Variants in DIP2C observed in about 807,000 individuals in gnomAD.
The protein encoded by DIP2C is disco-interacting protein 2 homolog C.
A neutral mutation model predicts 192.4 loss-of-function variants in DIP2C; 33 were observed. That is an observed-to-expected ratio of 0.17 (90% confidence interval 0.13 to 0.23). The LOEUF is 0.23. Among genes scored for constraint, DIP2C ranks in the 10% least tolerant of loss-of-function variants. The pLI is 1.00. For missense variants in DIP2C, 1,537 were observed against 2,110.1 expected, an observed-to-expected ratio of 0.73 and a Z score of 5.32; for synonymous variants, 979 against 864.1, an observed-to-expected ratio of 1.13 and a Z score of -2.33.
intron 1 of DIP2C, among the ~76,000 whole-genome samples, chr10:562,336 T>G (rs556658941): frequency 6.6e-6 from 1 of 152,232 alleles, no homozygotes; most frequent in Non-Finnish European, 1.5e-5. Context: ...GCAACAAATG[T>G]GTTTGACAAA....
intron 10 of DIP2C, among the ~76,000 whole-genome samples, chr10:397,776 T>C (rs921153111): frequency 2.0e-5 from 3 of 152,240 alleles, no homozygotes; most frequent in Non-Finnish European, 2.9e-5. Context: ...TACATTGGTA[T>C]GAGCGTAAGC....
chr10:567,211 C>T (rs1369524201), intron 1 of DIP2C, among the ~76,000 whole-genome samples: 2 of 151,990 alleles, frequency 1.3e-5, no homozygotes, highest in Non-Finnish European at 2.9e-5. Flanking sequence ...TTTTTTAAGA[C>T]ACAATATCAC....
intron 2 of DIP2C, among the ~76,000 whole-genome samples, chr10:475,629 G>A (rs1385391293): frequency 6.6e-6 from 1 of 152,246 alleles, no homozygotes; most frequent in East Asian, 1.9e-4. Flanking sequence ...GAAATGTAAA[G>A]TTTGCAACAA....
At chr10:421,002 G>A (rs1006911777) in intron 5 of DIP2C, among the ~76,000 whole-genome samples, 5 of 152,198 alleles carry the variant, frequency 3.3e-5, no homozygotes, top group Non-Finnish European at 5.9e-5. Context: ...ATCTCACAAG[G>A]TCAAGTGCAA....
At chr10:419,003 G>T (rs111236469) in intron 6 of DIP2C, 62 bp downstream of exon 6, 3 of 1,606,038 alleles carry the variant, frequency 1.9e-6, no homozygotes, top group Non-Finnish European at 2.6e-6. Context: ...TCATGGGCAC[G>T]GAACGGGACG....
At chr10:295,032 A>G (rs1375968773) in intron 32 of DIP2C, among the ~76,000 whole-genome samples, 2 of 152,232 alleles carry the variant, frequency 1.3e-5, no homozygotes, top group Non-Finnish European at 2.9e-5. Flanking sequence ...GACATTTCTC[A>G]AAAGAAATAA....
intron 17 of DIP2C, among the ~76,000 whole-genome samples, chr10:381,411 C>A (rs1962360626): frequency 6.6e-6 from 1 of 152,156 alleles, no homozygotes; most frequent in Non-Finnish European, 1.5e-5. Context: ...TACCTTTAAT[C>A]CTTTTCGGTC....
chr10:445,042 G>C (rs1003905263), intron 3 of DIP2C, among the ~76,000 whole-genome samples: 1 of 152,184 alleles, frequency 6.6e-6, no homozygotes, highest in Non-Finnish European at 1.5e-5. Context: ...CCATCAGTCT[G>C]AGATCCAGCC....
At chr10:462,464 A>G (rs952561804) in intron 3 of DIP2C, among the ~76,000 whole-genome samples, 1 of 152,236 alleles carries the variant, frequency 6.6e-6, no homozygotes, top group Admixed American at 6.5e-5. Flanking sequence ...CCCTCTCAAG[A>G]CTAAACCAGG....
Position 672,272 on chromosome 10 carries a change from C to T in DIP2C, c.85+17222G>A, listed in dbSNP as rs182356178. Among the ~76,000 whole-genome samples the T allele has an allele frequency of 2.6e-3, 399 of 152,184 alleles. 1 individual carries two copies. The highest frequency in any genetic ancestry group is 9.0e-3 in the African/African-American group (375 of 41,510). ...ATGGAGGAAACGCGCCACAGAGGCA[C>T]GCACGGAGAAAACAGGCCACACACG... On this transcript the variant is annotated intron_variant, in intron 1 of 36. Coordinates refer to ENST00000280886, the MANE Select transcript of DIP2C (RefSeq NM_014974.3).
chr10:334,618 G>A (rs370839029), intron 29 of DIP2C, among the ~76,000 whole-genome samples: 24 of 152,314 alleles, frequency 1.6e-4, no homozygotes, highest in African/African-American at 5.5e-4. Flanking sequence ...ATGACGTTGA[G>A]TCAAGGTTTA....
intron 1 of DIP2C, among the ~76,000 whole-genome samples, chr10:618,738 G>A (rs976315089): frequency 6.6e-6 from 1 of 152,234 alleles, no homozygotes; most frequent in Non-Finnish European, 1.5e-5. Context: ...ATCAGGATAA[G>A]TGCTTGGGAC....
intron 1 of DIP2C, among the ~76,000 whole-genome samples, chr10:502,825 G>A (rs1291162921): frequency 1.3e-5 from 2 of 152,132 alleles, no homozygotes; most frequent in Non-Finnish European, 2.9e-5. Flanking sequence ...AAAGGAAAGA[G>A]CTACCTCAAC....
intron 32 of DIP2C, among the ~76,000 whole-genome samples, chr10:297,907 C>T (rs1180600021): frequency 6.6e-6 from 1 of 152,158 alleles, no homozygotes; most frequent in Non-Finnish European, 1.5e-5. Context: ...ATGAGTTGCA[C>T]AATTATGTGT....
At chr10:366,527 A>C in intron 18 of DIP2C, 116 bp from the exon 19 acceptor site, 2 of 1,415,038 alleles carry the variant, frequency 1.4e-6, no homozygotes, top group Admixed American at 3.9e-5. Flanking sequence ...GGTCTGGAGC[A>C]AAACTGCACG....
intron 3 of DIP2C, among the ~76,000 whole-genome samples, chr10:442,646 C>CT (rs1223899376): frequency 1.6e-4 from 25 of 152,224 alleles, no homozygotes; most frequent in Non-Finnish European, 2.9e-4. Flanking sequence ...CACCACTGCT[C>CT]TCCCCGCTCC....
intron 2 of DIP2C, among the ~76,000 whole-genome samples, chr10:486,178 CAT>C (rs1491399883): frequency 1.3e-5 from 2 of 152,324 alleles, no homozygotes; most frequent in South Asian, 4.1e-4. Flanking sequence ...CTAATGCACT[CAT>C]ATTTTTACGA....
At chr10:348,930 G>T (rs1340263814) in intron 25 of DIP2C, among the ~76,000 whole-genome samples, 168 bp from the exon 26 acceptor site, 2 of 152,144 alleles carry the variant, frequency 1.3e-5, no homozygotes, top group South Asian at 2.1e-4. Context: ...GGCGGTCACT[G>T]TCATTTACCT....
intron 31 of DIP2C, among the ~76,000 whole-genome samples, chr10:317,285 C>G (rs1166730274): frequency 1.3e-5 from 2 of 152,206 alleles, no homozygotes. Flanking sequence ...TCATCAGGAC[C>G]AGCCAAACAC....
Sources: allele counts gnomAD v4.1 joint callset (sites outside exome capture counted in the v4.1 genomes callset), GRCh38; gene constraint gnomAD v4.1.1; transcripts MANE v1.5; gene names NCBI Gene and HGNC (gene_info 2026-07-23, HGNC 2026-07-21).